PRORP: variants seen among roughly 807,000 people sequenced by gnomAD.
The protein encoded by PRORP is mitochondrial ribonuclease P catalytic subunit.
Under a neutral mutation model 59.4 loss-of-function variants are expected in PRORP, and 51 were observed. That is an observed-to-expected ratio of 0.86 (90% CI 0.69 to 1.08). The LOEUF is 1.08. PRORP is among the 50% of genes least tolerant of loss of function. PRORP has a pLI of 0.00. For missense variants in PRORP, 646 were observed against 690.3 expected (o/e 0.94, Z 0.72); for synonymous variants, 231 against 245.6 (o/e 0.94, Z 0.55).
At chr14:35,136,346 T>G (rs1241843706) in intron 4 of PRORP, among the ~76,000 whole-genome samples, 1 of 150,588 alleles carries the variant, frequency 6.6e-6, no homozygotes, top group African/African-American at 2.5e-5. Context: ...GAGAAGATAA[T>G]TGAATATCCG....
intron 5 of PRORP, among the ~76,000 whole-genome samples, chr14:35,258,420 A>T (rs1339696900): frequency 9.2e-5 from 14 of 152,236 alleles, no homozygotes; most frequent in Admixed American, 9.2e-4. Flanking sequence ...GCAAAAGGAG[A>T]CGTATTTCAA....
At chr14:35,186,612 T>C (rs901495303) in intron 5 of PRORP, among the ~76,000 whole-genome samples, 8 of 151,922 alleles carry the variant, frequency 5.3e-5, no homozygotes, top group African/African-American at 1.9e-4. Flanking sequence ...TTTTTTTCTT[T>C]TGAGACAGGT....
At chr14:35,174,893 T>TCCCCCCCCCCCCCCCCCCCCCCC (rs1223291905) in intron 4 of PRORP, among the ~76,000 whole-genome samples, 1 of 71,524 alleles carries the variant, frequency 1.4e-5, no homozygotes, top group African/African-American at 5.6e-5. Flanking sequence ...CCCTCCCCCC[T>TCCCCCCCCCCCCCCCCCCCCCCC]CCCCCCACCC....
intron 5 of PRORP, among the ~76,000 whole-genome samples, chr14:35,229,546 G>A (rs1408916491): frequency 6.6e-6 from 1 of 152,176 alleles, no homozygotes; most frequent in African/African-American, 2.4e-5. Flanking sequence ...TTATTGAATA[G>A]GGAGTCTTTT....
chr14:35,147,176 T>G (rs931578597), intron 4 of PRORP, among the ~76,000 whole-genome samples: 9 of 152,134 alleles, frequency 5.9e-5, no homozygotes, highest in African/African-American at 2.2e-4. Flanking sequence ...AAAAAATATA[T>G]ATAGATACCT....
intron 7 of PRORP, among the ~76,000 whole-genome samples, chr14:35,272,168 T>G (rs1374371097): frequency 1.3e-5 from 2 of 152,046 alleles, no homozygotes; most frequent in Non-Finnish European, 2.9e-5. Flanking sequence ...TTGCTAAGAG[T>G]AGATTTTAAA....
intron 5 of PRORP, chr14:35,222,329 A>G (rs8004740): frequency 0.82 from 124,209 of 152,202 alleles, 50,736 homozygotes; most frequent in Admixed American, 0.85. Flanking sequence ...TCAAAAACTG[A>G]CATCTCTCCA....
At chr14:35,177,486 C>T (rs550628403) in intron 4 of PRORP, among the ~76,000 whole-genome samples, 28,000 of 151,964 alleles carry the variant, frequency 0.18, 2,817 homozygotes, top group Admixed American at 0.27. Flanking sequence ...GTGTATGTGT[C>T]CAGGAATTTA....
intron 4 of PRORP, among the ~76,000 whole-genome samples, chr14:35,129,101 G>A (rs534529256): frequency 6.9e-4 from 105 of 151,698 alleles, no homozygotes; most frequent in African/African-American, 1.8e-3. Flanking sequence ...CCAGCTACTC[G>A]TGAGGTTGAG....
chr14:35,151,583 T>C (rs975031914), intron 4 of PRORP, among the ~76,000 whole-genome samples: 2 of 151,756 alleles, frequency 1.3e-5, no homozygotes, highest in African/African-American at 4.8e-5. Context: ...CTCCCTATTT[T>C]CCATCTCTGC....
intron 4 of PRORP, among the ~76,000 whole-genome samples, chr14:35,141,884 T>TA (rs2047488303): frequency 1.5e-5 from 2 of 135,990 alleles, no homozygotes; most frequent in South Asian, 4.8e-4. Flanking sequence ...ACCTGGGCAA[T>TA]TTTTTTTTTT....
At position 35,225,502 on chromosome 14, in the gene PRORP, A is replaced by G. The variant is rs200140736; in HGVS notation, c.1276-41225A>G. On this transcript the variant is annotated intron_variant, in intron 5 of 7. Transcript: ENST00000534898. ...GCTGGGATTACAGGTGTCCACCACC[A>G]TGCTCAGCTAATTTTTGTATTTTTA... Among the ~76,000 whole-genome samples, 11 of 152,150 alleles carry G rather than the reference A, an allele frequency of 7.2e-5. No individual in the cohort carries two copies. The East Asian group carries it at 2.1e-3, about 30-fold the overall frequency.
intron 5 of PRORP, chr14:35,262,974 A>C: frequency 3.1e-6 from 5 of 1,598,964 alleles, no homozygotes; most frequent in Non-Finnish European, 4.2e-6. Context: ...CAAGGATATC[A>C]GGAAATTTTT....
intron 5 of PRORP, among the ~76,000 whole-genome samples, chr14:35,264,179 G>C (rs2050978250): frequency 6.6e-6 from 1 of 151,816 alleles, no homozygotes. Flanking sequence ...CCAGGCTGGA[G>C]TGCAGTGGTG....
intron 5 of PRORP, among the ~76,000 whole-genome samples, chr14:35,227,983 A>G (rs1389251641): frequency 6.6e-6 from 1 of 152,048 alleles, no homozygotes; most frequent in Non-Finnish European, 1.5e-5. Flanking sequence ...TCTTTACTAA[A>G]AATACAAAAA....
chr14:35,199,531 G>T (rs1380146041), intron 5 of PRORP, among the ~76,000 whole-genome samples: 1 of 152,108 alleles, frequency 6.6e-6, no homozygotes, highest in African/African-American at 2.4e-5. Flanking sequence ...AGTGAGTTCA[G>T]CTCTTTTTGT....
chr14:35,218,641 C>A (rs563377890), intron 5 of PRORP, among the ~76,000 whole-genome samples: 1 of 151,138 alleles, frequency 6.6e-6, no homozygotes, highest in South Asian at 2.1e-4. Context: ...ATTCTCCTGC[C>A]TCAGCCTCCC....
chr14:35,234,789 C>T (rs117981306), intron 5 of PRORP, among the ~76,000 whole-genome samples: 21 of 151,780 alleles, frequency 1.4e-4, no homozygotes, highest in Non-Finnish European at 2.2e-4. Flanking sequence ...AAGTAATCCT[C>T]CCACCCAGCT....
At chr14:35,146,109 G>A (rs912454779) in intron 4 of PRORP, among the ~76,000 whole-genome samples, 17 of 152,082 alleles carry the variant, frequency 1.1e-4, no homozygotes, top group Non-Finnish European at 1.6e-4. Flanking sequence ...GGGATTACAG[G>A]TGTGAGCCGC....
Sources: allele counts gnomAD v4.1 joint callset (sites outside exome capture counted in the v4.1 genomes callset), GRCh38; gene constraint gnomAD v4.1.1; transcripts MANE v1.5; gene names NCBI Gene and HGNC (gene_info 2026-07-23, HGNC 2026-07-21).